The following CDCA7L variants were observed in gnomAD, a reference collection of about 807,000 sequenced individuals.
The protein encoded by CDCA7L is cell division cycle associated 7 like.
In CDCA7L, 44 loss-of-function variants were observed where a neutral mutation model predicts 57.4. The ratio of observed to expected loss-of-function variants is 0.77; its 90% CI spans 0.60 to 0.98. The LOEUF is 0.98. CDCA7L is among the 50% of genes least tolerant of loss of function. CDCA7L has a pLI of 0.00. For synonymous variants in CDCA7L, 236 were observed against 202.8 expected, an observed-to-expected ratio of 1.16 and a Z score of -1.39; for missense variants, 644 against 580.6, an observed-to-expected ratio of 1.11 and a Z score of -1.12.
chr7:21,921,178 G>C (rs1178052089), intron 1 of CDCA7L, among the ~76,000 whole-genome samples: 1 of 152,030 alleles, frequency 6.6e-6, no homozygotes, highest in African/African-American at 2.4e-5. Context: ...TTTGACTTCT[G>C]CATCTGCTCC....
intron 1 of CDCA7L, among the ~76,000 whole-genome samples, chr7:21,932,609 C>T (rs1037627923): frequency 6.6e-6 from 1 of 152,164 alleles, no homozygotes; most frequent in African/African-American, 2.4e-5. Context: ...ATGCAGAAAA[C>T]TGAAACTGGA....
intron 1 of CDCA7L, among the ~76,000 whole-genome samples, chr7:21,940,904 C>T (rs1255280429): frequency 6.6e-6 from 1 of 152,200 alleles, no homozygotes; most frequent in Non-Finnish European, 1.5e-5. Context: ...TCTCCACTTT[C>T]CCCCCAACTA....
chr7:21,902,233 CTG>C lies in CDCA7L; in HGVS notation c.*87_*88del, dbSNP rs1420907206. Reference sequence around the variant, plus strand: ...AAAGAATTTCTGTATAAAAACACAACTGTAAAAAAATCTTTCTTAGGCACCAA... The same window carrying C: ...AAAGAATTTCTGTATAAAAACACAACTAAAAAAATCTTTCTTAGGCACCAA... On this transcript the variant is annotated 3_prime_UTR_variant, in exon 10 of 10. Coordinates refer to ENST00000406877, the MANE Select transcript of CDCA7L (RefSeq NM_018719.5). 6.0e-6 allele frequency: 7 copies of C among 1,163,094 alleles called. No individual in the cohort carries two copies. The highest frequency in any genetic ancestry group is 1.9e-5 in the African/African-American group (1 of 52,880). 72.0% of individuals were successfully genotyped at this position (1,163,094 alleles called of 1,614,324 possible).
chr7:21,922,486 C>A (rs1414422901), intron 1 of CDCA7L, among the ~76,000 whole-genome samples: 4 of 152,258 alleles, frequency 2.6e-5, no homozygotes, highest in African/African-American at 9.6e-5. Flanking sequence ...CCCAGAGAAC[C>A]TGAGAATCTG....
Position 21,901,327 on chromosome 7 carries a change from C to T in CDCA7L, c.*995G>A. Reference sequence around the variant, plus strand: ...TTCTAGCATGTTGCTGCACTGTTCCCATGCACATTATTCTAACTTTTTAGT... The same window carrying T: ...TTCTAGCATGTTGCTGCACTGTTCCTATGCACATTATTCTAACTTTTTAGT... On this transcript the variant is annotated 3_prime_UTR_variant, in exon 10 of 10. Transcript: ENST00000406877. 5 of 1,432,908 alleles carry T rather than the reference C, an allele frequency of 3.5e-6. No homozygotes were observed. Among genetic ancestry groups the T allele is most frequent in the East Asian group, 2.4e-5 (1 of 41,454 alleles). 88.8% of individuals were successfully genotyped at this position (1,432,908 alleles called of 1,614,324 possible). A position where few individuals can be genotyped will look rare whatever the true frequency, so the allele number is the denominator to read the frequency against.
At chr7:21,908,868 A>G (rs1448054670) in intron 3 of CDCA7L, among the ~76,000 whole-genome samples, 2 of 152,220 alleles carry the variant, frequency 1.3e-5, no homozygotes, top group Admixed American at 6.5e-5. Flanking sequence ...AGACAGCAGC[A>G]TGACAGATGT....
chr7:21,902,390 A>AAATACACAAATGGCATTCTAG, intron 9 of CDCA7L, 38 bp from the exon 10 acceptor site: 1 of 1,586,718 alleles, frequency 6.3e-7, no homozygotes, highest in Non-Finnish European at 8.7e-7. Context: ...AAAGTAGTAC[A>AAATACACAAATGGCATTCTAG]AATACACAAA....
At chr7:21,929,906 CAA>C (rs779246079) in intron 1 of CDCA7L, among the ~76,000 whole-genome samples, 3 of 151,982 alleles carry the variant, frequency 2.0e-5, no homozygotes, top group Non-Finnish European at 2.9e-5. Flanking sequence ...ACTATTAGAT[CAA>C]AGAGACAGCA....
chr7:21,930,803 A>C (rs1023257025), intron 1 of CDCA7L, among the ~76,000 whole-genome samples: 2 of 151,924 alleles, frequency 1.3e-5, no homozygotes, highest in Admixed American at 6.5e-5. Flanking sequence ...GAACTGAAGG[A>C]GACAGGGACA....
chr7:21,904,041 G>T, intron 8 of CDCA7L, 69 bp downstream of exon 8: 9 of 1,440,196 alleles, frequency 6.2e-6, no homozygotes, highest in Non-Finnish European at 8.3e-6. Context: ...TGAGAACCCA[G>T]GAGGCCCATC....
intron 9 of CDCA7L, 64 bp from the exon 10 acceptor site, chr7:21,902,416 G>GAGAGATTCCACAATCATCT (rs1491173315): frequency 2.0e-6 from 3 of 1,466,282 alleles, no homozygotes; most frequent in Non-Finnish European, 2.9e-6. Flanking sequence ...TTCTAGGCTT[G>GAGAGATTCCACAATCATCT]AGAGATTCCA....
Position 21,901,212 on chromosome 7 carries a change from A to AAAATGGGTTCTGGCTGGAGTGGCTCTGCT in CDCA7L, c.*1081_*1109dup. On this transcript the variant is annotated 3_prime_UTR_variant, in exon 10 of 10. Coordinates refer to ENST00000406877, the MANE Select transcript of CDCA7L (RefSeq NM_018719.5). ...GGCTGAAGAGCGAAGAGAAGACTGCAAAATGGGTTCTGGCTGGAGTGGCTC... is the reference window on the plus strand; with the variant it reads ...GGCTGAAGAGCGAAGAGAAGACTGCAAAATGGGTTCTGGCTGGAGTGGCTCTGCTAAATGGGTTCTGGCTGGAGTGGCTC... The AAAATGGGTTCTGGCTGGAGTGGCTCTGCT allele has an allele frequency of 1.2e-6, 2 of 1,613,136 alleles. No homozygotes were observed. The highest frequency in any genetic ancestry group is 1.7e-6 in the Non-Finnish European group (2 of 1,179,502).
At chr7:21,945,722 G>A (rs1297195111) in intron 1 of CDCA7L, 59 bp downstream of exon 1, 17 of 1,596,018 alleles carry the variant, frequency 1.1e-5, no homozygotes, top group African/African-American at 5.5e-5. Context: ...AGGACCGGGT[G>A]GCAAAGGGAA....
chr7:21,935,036 G>A (rs1277077121), intron 1 of CDCA7L, among the ~76,000 whole-genome samples: 1 of 152,090 alleles, frequency 6.6e-6, no homozygotes, highest in Non-Finnish European at 1.5e-5. Flanking sequence ...CAGAAGACTT[G>A]AGCAACATTA....
intron 1 of CDCA7L, among the ~76,000 whole-genome samples, chr7:21,940,903 TCCC>T (rs1554298280): frequency 2.0e-5 from 3 of 152,098 alleles, no homozygotes; most frequent in Non-Finnish European, 4.4e-5. Context: ...CTCTCCACTT[TCCC>T]CCCAACTAGA....
intron 1 of CDCA7L, chr7:21,940,319 A>G (rs1786299769): frequency 1.0e-6 from 1 of 984,696 alleles, no homozygotes; most frequent in Admixed American, 6.1e-5. Context: ...AAGTGCTCTG[A>G]AAAGTAGAAA....
At chr7:21,933,918 C>A (rs990415588) in intron 1 of CDCA7L, among the ~76,000 whole-genome samples, 6 of 150,866 alleles carry the variant, frequency 4.0e-5, no homozygotes, top group Non-Finnish European at 7.4e-5. Context: ...AACTATCAAA[C>A]AAGAATTCTC....
intron 1 of CDCA7L, among the ~76,000 whole-genome samples, chr7:21,934,275 CATA>C (rs1283736069): frequency 1.3e-5 from 2 of 152,086 alleles, no homozygotes; most frequent in African/African-American, 2.4e-5. Context: ...ATCTCAATTA[CATA>C]AAATGATGGA....
At chr7:21,920,995 G>C (rs1785631643) in intron 1 of CDCA7L, among the ~76,000 whole-genome samples, 1 of 152,170 alleles carries the variant, frequency 6.6e-6, no homozygotes. Context: ...TGGTTTAAAG[G>C]AGGAGGAGCA....
Sources: allele counts gnomAD v4.1 joint callset (sites outside exome capture counted in the v4.1 genomes callset), GRCh38; gene constraint gnomAD v4.1.1; transcripts MANE v1.5; gene names NCBI Gene and HGNC (gene_info 2026-07-23, HGNC 2026-07-21).